ZNF827: variants seen among roughly 807,000 people sequenced by gnomAD.
ZNF827 encodes the protein zinc finger protein 827.
ZNF827 carries 13 observed loss-of-function variants against 102.4 expected under a neutral mutation model. That is an observed-to-expected ratio of 0.13 (90% CI 0.08 to 0.20). The LOEUF (loss-of-function observed/expected upper bound fraction) is 0.20, where lower values mean the gene tolerates loss of function less well. Ranked by LOEUF, ZNF827 falls within the 10% of genes least tolerant of loss-of-function variation. The pLI is 1.00. For missense variants in ZNF827, 1,103 were observed against 1,344.4 expected (o/e 0.82, Z 2.81); for synonymous variants, 523 against 536.2 (o/e 0.98, Z 0.34).
chr4:145,785,829 T>G (rs1238592614), intron 8 of ZNF827, among the ~76,000 whole-genome samples: 6 of 152,248 alleles, frequency 3.9e-5, no homozygotes, highest in Admixed American at 3.9e-4. Context: ...CTTCTCTTCC[T>G]GTTCTTTGGC....
chr4:145,936,530 G>T (rs998662127), intron 1 of ZNF827, among the ~76,000 whole-genome samples: 1 of 152,148 alleles, frequency 6.6e-6, no homozygotes, highest in African/African-American at 2.4e-5. Context: ...AAAGAAAGAG[G>T]AATGTTTGCG....
intron 11 of ZNF827, among the ~76,000 whole-genome samples, chr4:145,766,155 A>G (rs1735263537): frequency 6.6e-6 from 1 of 152,162 alleles, no homozygotes; most frequent in Admixed American, 6.6e-5. Context: ...AATCTGGCCT[A>G]GATCATATGG....
chr4:145,892,225 AGTCGGTAG>A lies in ZNF827; in HGVS notation c.1266+10_1266+17del, dbSNP rs754613574. 6.3e-7 allele frequency: 1 copy of A among 1,592,190 alleles called. No homozygotes were observed. Among genetic ancestry groups the A allele is most frequent in the Admixed American group, 1.7e-5 (1 of 59,126 alleles). On this transcript the variant is annotated intron_variant, in intron 3 of 14. Transcript: ENST00000508784. ...CTGTGCCTGCCTCTCCAGGAGGTGCAGTCGGTAGGTGGCTTACCTTCATGTGGGATTTG... is the reference window on the plus strand; with the variant it reads ...CTGTGCCTGCCTCTCCAGGAGGTGCAGTGGCTTACCTTCATGTGGGATTTG...
At chr4:145,888,044 T>A (rs1180947754) in intron 3 of ZNF827, among the ~76,000 whole-genome samples, 1 of 152,020 alleles carries the variant, frequency 6.6e-6, no homozygotes, top group Non-Finnish European at 1.5e-5. Flanking sequence ...CAAAAGGGAG[T>A]CCTGGATTAA....
rs1734100143 is a variant in ZNF827, at chr4:145,758,176, T to C, written c.*3440A>G. The C allele has an allele frequency of 6.6e-6, 1 of 152,196 alleles. No individual in the cohort carries two copies. The highest frequency in any genetic ancestry group is 1.9e-4 in the East Asian group (1 of 5,200). 9.4% of individuals were successfully genotyped at this position (152,196 alleles called of 1,614,324 possible). A position where few individuals can be genotyped will look rare whatever the true frequency, so the allele number is the denominator to read the frequency against. On this transcript the variant is annotated 3_prime_UTR_variant, in exon 15 of 15. Coordinates refer to ENST00000508784, the MANE Select transcript of ZNF827 (RefSeq NM_001306215.2). ...CCTTTTCTCACTCAGAAAACTTTTA[T>C]AATTTACCAGAAAGATTGATGACTC...
At chr4:145,855,350 A>T (rs1369505099) in intron 5 of ZNF827, among the ~76,000 whole-genome samples, 1 of 152,220 alleles carries the variant, frequency 6.6e-6, no homozygotes, top group African/African-American at 2.4e-5. Flanking sequence ...CCAACTTATG[A>T]ACCTCAAAGA....
At chr4:145,764,878 G>A in intron 13 of ZNF827, 110 bp downstream of exon 13, 2 of 1,478,540 alleles carry the variant, frequency 1.4e-6, no homozygotes, top group Admixed American at 1.7e-5. Context: ...CTCATACCAA[G>A]CTCCCCTTCT....
At chr4:145,924,819 A>G (rs1253242334) in intron 1 of ZNF827, among the ~76,000 whole-genome samples, 1 of 152,118 alleles carries the variant, frequency 6.6e-6, no homozygotes, top group African/African-American at 2.4e-5. Flanking sequence ...TTATCTTTAC[A>G]TTACTAATAT....
At chr4:145,893,192 AC>A (rs1750739386) in intron 2 of ZNF827, among the ~76,000 whole-genome samples, 1 of 152,206 alleles carries the variant, frequency 6.6e-6, no homozygotes, top group Non-Finnish European at 1.5e-5. Flanking sequence ...AAACAAACCA[AC>A]TACCTCCTCC....
At chr4:145,912,639 A>C (rs1321311613) in intron 1 of ZNF827, among the ~76,000 whole-genome samples, 2 of 152,176 alleles carry the variant, frequency 1.3e-5, no homozygotes, top group Non-Finnish European at 2.9e-5. Context: ...GTCCTTATAA[A>C]AGGGGGAAAT....
intron 5 of ZNF827, among the ~76,000 whole-genome samples, chr4:145,857,067 A>G (rs894483414): frequency 2.0e-5 from 3 of 152,228 alleles, no homozygotes; most frequent in Non-Finnish European, 1.5e-5. Context: ...CTTGAATTTT[A>G]TCATCAAAAT....
Position 145,768,858 on chromosome 4 carries a change from C to CAAAAAAA in ZNF827, c.2861-3127_2861-3121dup, listed in dbSNP as rs1174930111. ...TGGGTGACAGAGCAAGACTCCGTCT[C>CAAAAAAA]AAAAAAAAAAAAAAAAAAAAAAAAA... is the stretch of plus-strand genomic sequence containing the variant. On this transcript the variant is annotated intron_variant, in intron 11 of 14. Transcript: ENST00000508784. Among the ~76,000 whole-genome samples the CAAAAAAA allele has an allele frequency of 1.5e-3, 7 of 4,534 alleles. 1 individual carries two copies. The highest frequency in any genetic ancestry group is 1.7e-3 in the African/African-American group (3 of 1,812). The allele number at this position is 4,534 out of a possible 152,430, so 3.0% of individuals were successfully genotyped here. A position where few individuals can be genotyped will look rare whatever the true frequency, so the allele number is the denominator to read the frequency against.
intron 1 of ZNF827, among the ~76,000 whole-genome samples, chr4:145,914,045 T>C (rs1752488236): frequency 7.0e-6 from 1 of 142,066 alleles, no homozygotes; most frequent in Admixed American, 6.9e-5. Flanking sequence ...ATACATAAAA[T>C]GATACATTTC....
At chr4:145,870,714 G>A (rs985795783) in intron 4 of ZNF827, 1 of 424,530 alleles carries the variant, frequency 2.4e-6, no homozygotes, top group Non-Finnish European at 4.2e-6. Flanking sequence ...TTTAAGAAGT[G>A]CTACCTCTAC....
chr4:145,910,510 A>G (rs1256307531), intron 1 of ZNF827, among the ~76,000 whole-genome samples: 1 of 152,140 alleles, frequency 6.6e-6, no homozygotes, highest in East Asian at 1.9e-4. Flanking sequence ...TACCTTCAAC[A>G]GAGGTACCAA....
chr4:145,833,872 CGCCCCAACCTCTTATCTCTGT>C (rs1010376889), intron 7 of ZNF827, among the ~76,000 whole-genome samples: 1 of 151,764 alleles, frequency 6.6e-6, no homozygotes, highest in African/African-American at 2.4e-5. Context: ...CTTATCTCTG[CGCCCCAACCTCTTATCTCTGT>C]GCCCCAACCC....
chr4:145,778,176 C>G (rs1737388818), intron 9 of ZNF827, among the ~76,000 whole-genome samples: 1 of 152,146 alleles, frequency 6.6e-6, no homozygotes, highest in Admixed American at 6.5e-5. Flanking sequence ...TCTTGTCACT[C>G]AGGCTGGAGT....
intron 11 of ZNF827, among the ~76,000 whole-genome samples, chr4:145,769,034 A>G (rs1735840774): frequency 6.7e-6 from 1 of 150,012 alleles, no homozygotes; most frequent in Non-Finnish European, 1.5e-5. Flanking sequence ...GAGTGACCAT[A>G]TTTTTAAAAG....
intron 4 of ZNF827, among the ~76,000 whole-genome samples, chr4:145,872,191 C>T (rs760324331): frequency 6.6e-6 from 1 of 152,152 alleles, no homozygotes; most frequent in African/African-American, 2.4e-5. Context: ...TATGTCGAAG[C>T]CCTAACCTGC....
Sources: gnomAD v4.1 joint callset for allele counts (sites outside exome capture counted in the v4.1 genomes callset) on GRCh38, gnomAD v4.1.1 for gene constraint, MANE v1.5 for transcripts, NCBI Gene and HGNC (gene_info 2026-07-23, HGNC 2026-07-21) for gene names.